The following WBP1L variants were observed in gnomAD, a reference collection of about 807,000 sequenced individuals.
WBP1L encodes WW domain binding protein 1-like.
A neutral mutation model predicts 33.7 loss-of-function variants in WBP1L; 17 were observed. That is an observed-to-expected ratio of 0.50 (90% CI 0.34 to 0.76). WBP1L has a LOEUF of 0.76. Among genes scored for constraint, WBP1L ranks in the 30% least tolerant of loss-of-function variants. The pLI, the probability that WBP1L is intolerant of heterozygous loss-of-function variation, is 0.01. For missense variants in WBP1L, 389 were observed against 469.4 expected (o/e 0.83, Z 1.58); for synonymous variants, 173 against 190.8 (o/e 0.91, Z 0.77).
intron 1 of WBP1L, among the ~76,000 whole-genome samples, chr10:102,784,633 G>T (rs1007449898): frequency 4.6e-5 from 7 of 151,844 alleles, no homozygotes; most frequent in Non-Finnish European, 1.0e-4. Flanking sequence ...CACCGTGTTA[G>T]CCAGGATGGT....
chr10:102,744,583 G>A, intron 1 of WBP1L: 1 of 779,958 alleles, frequency 1.3e-6, no homozygotes, highest in South Asian at 5.8e-5. Context: ...GGATGGACTG[G>A]GGAAAGTTCC....
intron 1 of WBP1L, among the ~76,000 whole-genome samples, chr10:102,751,294 GC>G (rs1842922246): frequency 6.8e-6 from 1 of 147,736 alleles, no homozygotes; most frequent in African/African-American, 2.5e-5. Context: ...GTGCCACTGC[GC>G]CCAATCAAGG....
At chr10:102,790,207 A>G (rs1381739590) in intron 1 of WBP1L, among the ~76,000 whole-genome samples, 2 of 151,774 alleles carry the variant, frequency 1.3e-5, no homozygotes, top group East Asian at 1.9e-4. Context: ...TCTCTAGTTC[A>G]TCAATTTCCT....
At chr10:102,800,858 T>G (rs1382966238) in intron 2 of WBP1L, among the ~76,000 whole-genome samples, 1 of 152,198 alleles carries the variant, frequency 6.6e-6, no homozygotes, top group South Asian at 2.1e-4. Context: ...GCTGATTTCC[T>G]TCCCACCTTC....
chr10:102,752,135 G>A (rs1354865331), intron 1 of WBP1L, among the ~76,000 whole-genome samples: 1 of 152,096 alleles, frequency 6.6e-6, no homozygotes, highest in East Asian at 1.9e-4. Flanking sequence ...GAGTGCCACT[G>A]GTATCTAGTG....
chr10:102,749,316 G>A (rs1231482250), intron 1 of WBP1L, among the ~76,000 whole-genome samples: 2 of 151,982 alleles, frequency 1.3e-5, no homozygotes, highest in Non-Finnish European at 2.9e-5. Flanking sequence ...GGTTTCTGTC[G>A]CTGGAATGCA....
At chr10:102,767,135 G>A (rs1285531471) in intron 1 of WBP1L, among the ~76,000 whole-genome samples, 3 of 152,228 alleles carry the variant, frequency 2.0e-5, no homozygotes, top group Non-Finnish European at 4.4e-5. Flanking sequence ...CAGATCCAGT[G>A]AGAGCCCATT....
intron 3 of WBP1L, among the ~76,000 whole-genome samples, chr10:102,810,311 T>G (rs1843811386): frequency 6.6e-6 from 1 of 152,134 alleles, no homozygotes; most frequent in Non-Finnish European, 1.5e-5. Context: ...TGGCTGGATC[T>G]CTGCTTCTTT....
chr10:102,810,962 C>G (rs1359081238), intron 3 of WBP1L, among the ~76,000 whole-genome samples: 1 of 149,402 alleles, frequency 6.7e-6, no homozygotes, highest in Non-Finnish European at 1.5e-5. Flanking sequence ...CTTTCCCTTC[C>G]TTCTTCCCTC....
intron 1 of WBP1L, among the ~76,000 whole-genome samples, chr10:102,778,013 G>A (rs1843289803): frequency 6.6e-6 from 1 of 152,084 alleles, no homozygotes; most frequent in South Asian, 2.1e-4. Context: ...GGAAAGAGTG[G>A]GCTGGGAGCT....
rs1305795544 is a variant in WBP1L, at chr10:102,768,364, GTTTTTTGTTTTTTT to G, written c.90+24228_90+24241del. Among the ~76,000 whole-genome samples, 24 of 44,570 alleles carry G rather than the reference GTTTTTTGTTTTTTT, an allele frequency of 5.4e-4. 1 individual carries two copies. The highest frequency in any genetic ancestry group is 6.7e-4 in the Non-Finnish European group (17 of 25,194). The allele number at this position is 44,570 out of a possible 152,430, so 29.2% of individuals were successfully genotyped here. On this transcript the variant is annotated intron_variant, in intron 1 of 3. Transcript: ENST00000448841. ...GCTTGAGCCATTGCGCCTGGCATTA[GTTTTTTGTTTTTTT>G]TTTTTTTTTTTTTTTTTTGAGACGG...
chr10:102,785,610 T>C (rs1843404324), intron 1 of WBP1L, among the ~76,000 whole-genome samples: 2 of 152,198 alleles, frequency 1.3e-5, no homozygotes, highest in Non-Finnish European at 2.9e-5. Flanking sequence ...GAGGCAGTGA[T>C]ACAACTGTGG....
At chr10:102,766,835 A>C (rs1348016834) in intron 1 of WBP1L, among the ~76,000 whole-genome samples, 2 of 150,516 alleles carry the variant, frequency 1.3e-5, no homozygotes, top group Non-Finnish European at 3.0e-5. Context: ...CTGTCTCAAA[A>C]AAAAAAAAAG....
intron 1 of WBP1L, among the ~76,000 whole-genome samples, chr10:102,792,732 T>G (rs1843520209): frequency 6.6e-6 from 1 of 151,978 alleles, no homozygotes; most frequent in African/African-American, 2.4e-5. Context: ...GTAGCTGGGA[T>G]TACAGGCATG....
chr10:102,756,717 G>A (rs1427833397), intron 1 of WBP1L, among the ~76,000 whole-genome samples: 1 of 152,080 alleles, frequency 6.6e-6, no homozygotes, highest in African/African-American at 2.4e-5. Context: ...TTTAAAGGCT[G>A]GAGTAGATAG....
intron 1 of WBP1L, among the ~76,000 whole-genome samples, chr10:102,792,067 T>C (rs886454039): frequency 1.3e-5 from 2 of 152,250 alleles, no homozygotes; most frequent in African/African-American, 4.8e-5. Flanking sequence ...TTTTTGCATA[T>C]GTGCAAAAGG....
Position 102,812,678 on chromosome 10 carries a change from C to T in WBP1L, c.439C>T (p.Gln147Ter), listed in dbSNP as rs1428812447. The T allele has an allele frequency of 2.5e-6, 4 of 1,613,630 alleles. No individual in the cohort carries two copies. The highest frequency in any genetic ancestry group is 3.4e-6 in the Non-Finnish European group (4 of 1,179,866). The change falls in exon 4 of 4, where the codon CAG becomes TAG. Residue 147 changes from glutamine to a stop codon, truncating the protein, a stop_gained. Transcript: ENST00000448841. LOFTEE classifies it high-confidence loss of function. ...PTPPPPYSAFQLQQQQLLPPQ... is the reference protein window; with the variant it reads ...PTPPPPYSAF ...TCCTCCCCCACCATACAGTGCCTTCCAGCTACAGCAGCAGCAGCTGCTGCC... is the reference window on the plus strand; with the variant it reads ...TCCTCCCCCACCATACAGTGCCTTCTAGCTACAGCAGCAGCAGCTGCTGCC...
At chr10:102,751,271 A>C (rs35055249) in intron 1 of WBP1L, among the ~76,000 whole-genome samples, 7,412 of 148,606 alleles carry the variant, frequency 0.05, 256 homozygotes, top group Non-Finnish European at 0.074. Context: ...CAAAGTGCTG[A>C]GATTACAGGT....
chr10:102,760,860 A>G (rs1843029844), intron 1 of WBP1L, among the ~76,000 whole-genome samples: 1 of 152,078 alleles, frequency 6.6e-6, no homozygotes, highest in Non-Finnish European at 1.5e-5. Flanking sequence ...TATCCAATAT[A>G]TAAATTGCAA....
Sources: allele counts gnomAD v4.1 joint callset (sites outside exome capture counted in the v4.1 genomes callset), GRCh38; gene constraint gnomAD v4.1.1; transcripts MANE v1.5; gene names NCBI Gene and HGNC (gene_info 2026-07-23, HGNC 2026-07-21).